Variants in ACTC1 observed in about 807,000 individuals in gnomAD.
ACTC1 encodes the protein actin alpha cardiac muscle 1, also known as actin, alpha cardiac muscle 1.
ACTC1 carries 10 observed loss-of-function variants against 31.6 expected under a neutral mutation model. That is an observed-to-expected ratio of 0.32 (90% CI 0.19 to 0.54). The LOEUF (loss-of-function observed/expected upper bound fraction) is 0.54, where lower values mean the gene tolerates loss of function less well. Ranked by LOEUF, ACTC1 falls within the 20% of genes least tolerant of loss-of-function variation. The probability of loss-of-function intolerance (pLI) is 0.95; values close to 1 mark genes in which losing one functional copy is unlikely to be tolerated. For synonymous variants in ACTC1, 196 were observed against 185.0 expected, an observed-to-expected ratio of 1.06 and a Z score of -0.48; for missense variants, 129 against 506.4, an observed-to-expected ratio of 0.25 and a Z score of 7.15.
chr15:34,790,764 T>C (rs1891687494), intron 6 of ACTC1, among the ~76,000 whole-genome samples: 1 of 152,212 alleles, frequency 6.6e-6, no homozygotes, highest in African/African-American at 2.4e-5. Flanking sequence ...TATTCTATTA[T>C]TAAAATGGAA....
In ACTC1 at chr15:34,794,669, G is replaced by A. The variant is rs1891779410; in HGVS notation, c.129+11C>T. On this transcript the variant is annotated intron_variant, in intron 2 of 6. Transcript: ENST00000290378. ...TCCCGAGTGGGACGGGGGGCTCGGC[G>A]GGAAGTTTACCTGGTGCCGCGGGCG... 2 of 1,610,480 alleles carry A rather than the reference G, an allele frequency of 1.2e-6. No individual in the cohort carries two copies. Among genetic ancestry groups the A allele is most frequent in the Non-Finnish European group, 1.7e-6 (2 of 1,178,140 alleles).
rs771823457 is a variant in ACTC1 at position 34,792,975 on chromosome 15, A to G, written c.454+270T>C. ...CCAGGTGATGTGATGGTTTAAACACATAACAATGACTGCTGCACTCCAAGC... is the reference window on the plus strand; with the variant it reads ...CCAGGTGATGTGATGGTTTAAACACGTAACAATGACTGCTGCACTCCAAGC... On this transcript the variant is annotated intron_variant, in intron 3 of 6. Transcript: ENST00000290378. The surrounding 1 kb of genome is among the most constrained non-coding windows in gnomAD (Gnocchi z 5.3). The G allele has an allele frequency of 1.8e-6, 1 of 548,878 alleles. No individual in the cohort carries two copies. Among genetic ancestry groups the G allele is most frequent in the Non-Finnish European group, 3.3e-6 (1 of 306,592 alleles). 34.0% of individuals were successfully genotyped at this position (548,878 alleles called of 1,614,324 possible).
At chr15:34,791,402 G>T in intron 5 of ACTC1, 107 bp from the exon 6 acceptor site, 1 of 1,432,950 alleles carries the variant, frequency 7.0e-7, no homozygotes, top group Non-Finnish European at 9.7e-7. Flanking sequence ...GAACTTCTTT[G>T]TGTGGGGGAG....
intron 5 of ACTC1, 39 bp from the exon 6 acceptor site, chr15:34,791,334 CA>C (rs1386224633): frequency 2.1e-5 from 32 of 1,510,530 alleles, no homozygotes; most frequent in Non-Finnish European, 2.9e-5. Context: ...CACACACACA[CA>C]CACACACACA....
Position 34,794,800 on chromosome 15 carries a change from G to C in ACTC1, c.9C>G (p.Asp3Glu), listed in dbSNP as rs535623090. MC[D>E]DEETTALVCD... ...ACACCAGGGCGGTGGTCTCCTCGTC[G>C]TCACACATCTTGGCACAGCTTCAGG... Residue 3 changes from aspartate to glutamate, a missense_variant, in exon 2 of 7, where the codon GAC becomes GAG. By Grantham distance (45) the Asp-to-Glu change is conservative. This residue lies in a region of ACTC1 where 11 missense variants were observed against 17.0 expected (regional missense o/e 0.65). Transcript: ENST00000290378. The C allele has an allele frequency of 6.2e-7, 1 of 1,613,374 alleles. No individual in the cohort carries two copies. The highest frequency in any genetic ancestry group is 8.5e-7 in the Non-Finnish European group (1 of 1,179,558).
Position 34,794,647 on chromosome 15 carries a change from C to T in ACTC1, c.129+33G>A, listed in dbSNP as rs1244866941. On this transcript the variant is annotated intron_variant, in intron 2 of 6. Transcript: ENST00000290378. Reference sequence around the variant, plus strand: ...CTAGATCGCTGGACTGAAGGGGTCCCGAGTGGGACGGGGGGCTCGGCGGGA... The same window carrying T: ...CTAGATCGCTGGACTGAAGGGGTCCTGAGTGGGACGGGGGGCTCGGCGGGA... 2.5e-6 allele frequency: 4 copies of T among 1,604,336 alleles called. No individual in the cohort carries two copies. The East Asian group carries it at 6.7e-5, about 27-fold the overall frequency.
chr15:34,795,450 G>C (rs1027064787), intron 1 of ACTC1, 56 bp downstream of exon 1: 4 of 152,238 alleles, frequency 2.6e-5, no homozygotes, highest in African/African-American at 9.7e-5. Flanking sequence ...GCTGGCGTCC[G>C]GCGCGGCCCG....
In ACTC1 at chr15:34,790,249, T is replaced by C; in HGVS notation, c.*163A>G. 3 of 982,708 alleles carry C rather than the reference T, an allele frequency of 3.1e-6. No homozygotes were observed. In the South Asian group the frequency reaches 4.3e-5, roughly 14 times the overall value. 60.9% of individuals were successfully genotyped at this position (982,708 alleles called of 1,614,324 possible). A position where few individuals can be genotyped will look rare whatever the true frequency, so the allele number is the denominator to read the frequency against. On this transcript the variant is annotated 3_prime_UTR_variant, in exon 7 of 7. Transcript: ENST00000290378. Reference sequence around the variant, plus strand: ...CTTTTATAGGTTGCAAGTCCTGGTCTGGTTTATTTATAAAGCAATAAATAT... The same window carrying C: ...CTTTTATAGGTTGCAAGTCCTGGTCCGGTTTATTTATAAAGCAATAAATAT...
At chr15:34,791,332 CACACACACACACACACACA>C (rs750991515) in intron 5 of ACTC1, 37 bp from the exon 6 acceptor site, 1 of 1,568,566 alleles carries the variant, frequency 6.4e-7, no homozygotes. Context: ...CACACACACA[CACACACACACACACACACA>C]CATCACAGTG....
In ACTC1 at chr15:34,792,834, C is replaced by T. The variant is rs752866427; in HGVS notation, c.455-265G>A. On this transcript the variant is annotated intron_variant, in intron 3 of 6. Coordinates refer to ENST00000290378, the MANE Select transcript of ACTC1 (RefSeq NM_005159.5). This position sits in a 1 kb window ranked among gnomAD's most constrained non-coding sequence, Gnocchi z 5.3. Reference sequence around the variant, plus strand: ...AAATGACCATCTTTCTTGTCAGCCACGAGCACATTATGTAAGCACCCAAGG... The same window carrying T: ...AAATGACCATCTTTCTTGTCAGCCATGAGCACATTATGTAAGCACCCAAGG... The T allele has an allele frequency of 4.6e-5, 25 of 539,184 alleles. No homozygotes were observed. The highest frequency in any genetic ancestry group is 5.1e-4 in the Middle Eastern group (1 of 1,970). 33.4% of individuals were successfully genotyped at this position (539,184 alleles called of 1,614,324 possible).
At chr15:34,790,636 GA>G (rs1231427105) in intron 6 of ACTC1, 81 bp from the exon 7 acceptor site, 5 of 1,532,300 alleles carry the variant, frequency 3.3e-6, no homozygotes, top group Non-Finnish European at 2.7e-6. Flanking sequence ...AGGATTCACA[GA>G]AAAAAACCAT....
At chr15:34,790,811 C>T (rs962793357) in intron 6 of ACTC1, among the ~76,000 whole-genome samples, 1 of 152,120 alleles carries the variant, frequency 6.6e-6, no homozygotes, top group African/African-American at 2.4e-5. Flanking sequence ...TGGCAACAAG[C>T]TAAATGTGTA....
chr15:34,791,316 C>CAT, intron 5 of ACTC1, 21 bp from the exon 6 acceptor site: 1 of 738,782 alleles, frequency 1.4e-6, no homozygotes, highest in Non-Finnish European at 1.9e-6. Context: ...GTCACACACA[C>CAT]ACACACACAC....
In ACTC1 at chr15:34,792,845, T is replaced by G. The variant is rs754943799; in HGVS notation, c.455-276A>C. Reference sequence around the variant, plus strand: ...TTTCTTGTCAGCCACGAGCACATTATGTAAGCACCCAAGGGTGTTTTTCTT... The same window carrying G: ...TTTCTTGTCAGCCACGAGCACATTAGGTAAGCACCCAAGGGTGTTTTTCTT... On this transcript the variant is annotated intron_variant, in intron 3 of 6. Transcript: ENST00000290378. This position sits in a 1 kb window ranked among gnomAD's most constrained non-coding sequence, Gnocchi z 5.3. The G allele has an allele frequency of 1.8e-4, 96 of 530,542 alleles. 1 individual carries two copies. Among genetic ancestry groups the G allele is most frequent in the Admixed American group, 6.3e-4 (20 of 31,808 alleles). 32.9% of individuals were successfully genotyped at this position (530,542 alleles called of 1,614,324 possible). A position where few individuals can be genotyped will look rare whatever the true frequency, so the allele number is the denominator to read the frequency against.
rs558792304 is a variant in ACTC1 at position 34,795,537 on chromosome 15, G to A, written c.-54C>T. The A allele has an allele frequency of 6.5e-6, 1 of 152,892 alleles. No homozygotes were observed. The highest frequency in any genetic ancestry group is 2.4e-5 in the African/African-American group (1 of 41,506). The allele number at this position is 152,892 out of a possible 1,614,324, so 9.5% of individuals were successfully genotyped here. ...CGGGGCGGGTCGGCTCGGCTCCGGC[G>A]GCAGCGGGCTCTGGGTGGCTGGCTC... On this transcript the variant is annotated 5_prime_UTR_variant, in exon 1 of 7. Coordinates refer to ENST00000290378, the MANE Select transcript of ACTC1 (RefSeq NM_005159.5).
Position 34,792,065 on chromosome 15 carries a change from C to G in ACTC1, c.808+25G>C. 1 of 1,613,678 alleles carries G rather than the reference C, an allele frequency of 6.2e-7. No individual in the cohort carries two copies. The highest frequency in any genetic ancestry group is 8.5e-7 in the Non-Finnish European group (1 of 1,179,874). ...CTAAGATTTCCAGGGAAAATCGTGC[C>G]TCTGCACCAGACCCTACAACTCACC... On this transcript the variant is annotated intron_variant, in intron 5 of 6. Transcript: ENST00000290378. This position sits in a 1 kb window ranked among gnomAD's most constrained non-coding sequence, Gnocchi z 5.3.
Position 34,792,893 on chromosome 15 carries a change from TTC to T in ACTC1, c.455-326_455-325del. ...CTTTGCTCCTATTGAACTTACACGT[TTC>T]TCTCTCTTTTGACTCAGACCCTGTA... is the stretch of plus-strand genomic sequence containing the variant. On this transcript the variant is annotated intron_variant, in intron 3 of 6. Coordinates refer to ENST00000290378, the MANE Select transcript of ACTC1 (RefSeq NM_005159.5). The surrounding 1 kb of genome is among the most constrained non-coding windows in gnomAD (Gnocchi z 5.3). 2.0e-6 allele frequency: 1 copy of T among 501,830 alleles called. No homozygotes were observed. Among genetic ancestry groups the T allele is most frequent in the East Asian group, 3.7e-5 (1 of 26,802 alleles). The allele number at this position is 501,830 out of a possible 1,614,324, so 31.1% of individuals were successfully genotyped here.
Position 34,792,076 on chromosome 15 carries a change from A to T in ACTC1, c.808+14T>A. On this transcript the variant is annotated intron_variant, in intron 5 of 6. Coordinates refer to ENST00000290378, the MANE Select transcript of ACTC1 (RefSeq NM_005159.5). This position sits in a 1 kb window ranked among gnomAD's most constrained non-coding sequence, Gnocchi z 5.3. The stretch of plus-strand genomic sequence containing the variant: ...AGGGAAAATCGTGCCTCTGCACCAG[A>T]CCCTACAACTCACCAATGAAGGAGG... The T allele has an allele frequency of 1.2e-6, 2 of 1,613,998 alleles. No homozygotes were observed. The highest frequency in any genetic ancestry group is 1.7e-6 in the Non-Finnish European group (2 of 1,179,988).
intron 6 of ACTC1, 132 bp downstream of exon 6, chr15:34,790,982 G>C: frequency 1.2e-6 from 1 of 866,266 alleles, no homozygotes; most frequent in Non-Finnish European, 1.7e-6. Context: ...ATCAGAAAAA[G>C]TGGTAGAAAA....
Sources: allele counts gnomAD v4.1 joint callset (sites outside exome capture counted in the v4.1 genomes callset), GRCh38; gene constraint gnomAD v4.1.1; regional missense constraint gnomAD v4.1.1; non-coding constraint Gnocchi (gnomAD v3.1); transcripts MANE v1.5; gene names NCBI Gene and HGNC (gene_info 2026-07-23, HGNC 2026-07-21).